MAGI1: variants seen among roughly 807,000 people sequenced by gnomAD.
MAGI1 encodes the protein membrane associated guanylate kinase, WW and PDZ domain containing 1, also known as membrane-associated guanylate kinase, WW and PDZ domain-containing protein 1.
In MAGI1, 58 loss-of-function variants were observed where a neutral mutation model predicts 139.9. The observed-to-expected ratio is 0.41, with a 90% confidence interval of 0.34 to 0.52. The LOEUF (loss-of-function observed/expected upper bound fraction) is 0.52, where lower values mean the gene tolerates loss of function less well. MAGI1 is among the 20% of genes least tolerant of loss of function. The probability of loss-of-function intolerance (pLI) is 0.12; values close to 1 mark genes in which losing one functional copy is unlikely to be tolerated. For missense variants in MAGI1, 1,874 were observed against 1,901.6 expected, an observed-to-expected ratio of 0.99 and a Z score of 0.27; for synonymous variants, 812 against 737.9, an observed-to-expected ratio of 1.10 and a Z score of -1.63.
At chr3:65,885,705 G>C (rs1351620673) in intron 1 of MAGI1, among the ~76,000 whole-genome samples, 3 of 152,178 alleles carry the variant, frequency 2.0e-5, no homozygotes, top group Admixed American at 1.3e-4. Context: ...TGTAAGACTT[G>C]ACTTTGCTCC....
At chr3:65,599,360 G>T (rs1175572329) in intron 2 of MAGI1, among the ~76,000 whole-genome samples, 2 of 152,104 alleles carry the variant, frequency 1.3e-5, no homozygotes, top group Admixed American at 6.5e-5. Context: ...AATAAATGTT[G>T]TTCCTTCATA....
intron 2 of MAGI1, among the ~76,000 whole-genome samples, chr3:65,575,356 A>G (rs971464525): frequency 6.6e-6 from 1 of 152,138 alleles, no homozygotes; most frequent in Non-Finnish European, 1.5e-5. Flanking sequence ...AGAAAGGTTA[A>G]AGTTAAAAAG....
chr3:65,692,165 G>A (rs2088730802), intron 1 of MAGI1, among the ~76,000 whole-genome samples: 1 of 152,100 alleles, frequency 6.6e-6, no homozygotes, highest in Non-Finnish European at 1.5e-5. Flanking sequence ...ACTTAGCACA[G>A]TGAGACACAG....
At chr3:65,985,126 G>C (rs2065814838) in intron 1 of MAGI1, among the ~76,000 whole-genome samples, 1 of 152,184 alleles carries the variant, frequency 6.6e-6, no homozygotes. Context: ...CTTGATTTCT[G>C]TGAGGAGCGA....
At chr3:65,369,626 A>G (rs1217526782) in intron 18 of MAGI1, among the ~76,000 whole-genome samples, 1 of 151,826 alleles carries the variant, frequency 6.6e-6, no homozygotes, top group Non-Finnish European at 1.5e-5. Context: ...CTTGTGCCTC[A>G]GCCTCCCAAG....
chr3:66,030,112 G>T (rs1000199422), intron 1 of MAGI1, among the ~76,000 whole-genome samples: 3 of 152,270 alleles, frequency 2.0e-5, no homozygotes, highest in African/African-American at 7.2e-5. Flanking sequence ...GGACCCACAT[G>T]TTCTTACTTG....
At chr3:65,464,764 G>A (rs1267592883) in intron 5 of MAGI1, among the ~76,000 whole-genome samples, 1 of 151,924 alleles carries the variant, frequency 6.6e-6, no homozygotes, top group Non-Finnish European at 1.5e-5. Context: ...TTTATTAAAT[G>A]TAGTTATTGA....
rs571915440 is a variant in MAGI1, at chr3:65,662,640, A to G, written c.314-40552T>C. The stretch of plus-strand genomic sequence containing the variant: ...TGCAATATGATGTTTTGATATGCAT[A>G]TAAGTACTGATTATTATAGTCAAAC... On this transcript the variant is annotated intron_variant, in intron 1 of 22. Transcript: ENST00000402939. 4.7e-4 allele frequency among the ~76,000 whole-genome samples: 72 copies of G among 152,348 alleles called. 1 individual carries two copies. In the South Asian group the frequency reaches 8.1e-3, roughly 17 times the overall value.
At chr3:65,874,539 A>G (rs1299942051) in intron 1 of MAGI1, 1 of 152,242 alleles carries the variant, frequency 6.6e-6, no homozygotes, top group Non-Finnish European at 1.5e-5. Context: ...ATCATTAGCC[A>G]TCAGGGATAT....
chr3:65,580,185 AAC>A (rs2081353301), intron 2 of MAGI1, among the ~76,000 whole-genome samples: 2 of 152,338 alleles, frequency 1.3e-5, no homozygotes, highest in African/African-American at 2.4e-5. Context: ...ATCAATTAGC[AAC>A]ACAGAGATAA....
intron 1 of MAGI1, among the ~76,000 whole-genome samples, chr3:65,691,176 GC>G (rs1358639274): frequency 6.6e-6 from 1 of 151,846 alleles, no homozygotes; most frequent in African/African-American, 2.4e-5. Context: ...GGTGGCGGGC[GC>G]CTGTAGTCCC....
At chr3:65,976,642 A>C (rs945259839) in intron 1 of MAGI1, among the ~76,000 whole-genome samples, 10 of 152,166 alleles carry the variant, frequency 6.6e-5, no homozygotes, top group African/African-American at 2.4e-4. Flanking sequence ...AACAAACAAA[A>C]AAAAGACCTT....
At chr3:65,830,328 A>AG in intron 1 of MAGI1, among the ~76,000 whole-genome samples, 2 of 146,376 alleles carry the variant, frequency 1.4e-5, no homozygotes, top group African/African-American at 2.5e-5. Context: ...GGAGAGAGAG[A>AG]AAAAAAAAAA....
Position 65,735,193 on chromosome 3 carries a change from AAATG to A in MAGI1, c.314-113109_314-113106del, listed in dbSNP as rs540978174. Among the ~76,000 whole-genome samples, 409 of 152,298 alleles carry A rather than the reference AAATG, an allele frequency of 2.7e-3. 1 individual carries two copies. The highest frequency in any genetic ancestry group is 9.3e-3 in the African/African-American group (388 of 41,570). ...TCCTAGCATTTAATTTTTTTCTTGA[AAATG>A]AATGAATAAGAGCCATGTAGACTGC... On this transcript the variant is annotated intron_variant, in intron 1 of 22. Coordinates refer to ENST00000402939, the MANE Select transcript of MAGI1 (RefSeq NM_001033057.2).
At chr3:66,010,627 T>C (rs2067277020) in intron 1 of MAGI1, among the ~76,000 whole-genome samples, 1 of 152,200 alleles carries the variant, frequency 6.6e-6, no homozygotes, top group Non-Finnish European at 1.5e-5. Flanking sequence ...TATATGGGGC[T>C]CTGATGTCAT....
intron 2 of MAGI1, among the ~76,000 whole-genome samples, chr3:65,507,594 C>T (rs2077350085): frequency 6.6e-6 from 1 of 152,170 alleles, no homozygotes; most frequent in Non-Finnish European, 1.5e-5. Context: ...ATTCCCAGCC[C>T]CTTCCATTAC....
chr3:65,586,070 G>A (rs200725221), intron 2 of MAGI1, among the ~76,000 whole-genome samples: 33 of 152,116 alleles, frequency 2.2e-4, no homozygotes, highest in East Asian at 1.2e-3. Flanking sequence ...TTATCAGGGC[G>A]TTGGTGGCGC....
At chr3:65,926,981 G>A (rs2062559908) in intron 1 of MAGI1, among the ~76,000 whole-genome samples, 1 of 152,182 alleles carries the variant, frequency 6.6e-6, no homozygotes, top group Non-Finnish European at 1.5e-5. Context: ...GGCAACAAGA[G>A]TGAAACTCTG....
At chr3:65,813,704 G>A (rs1382823380) in intron 1 of MAGI1, among the ~76,000 whole-genome samples, 2 of 152,098 alleles carry the variant, frequency 1.3e-5, no homozygotes, top group Non-Finnish European at 2.9e-5. Flanking sequence ...TGAGAAATAC[G>A]CAGAATGCTT....
Sources: gnomAD v4.1 joint callset for allele counts (sites outside exome capture counted in the v4.1 genomes callset) on GRCh38, gnomAD v4.1.1 for gene constraint, MANE v1.5 for transcripts, NCBI Gene and HGNC (gene_info 2026-07-23, HGNC 2026-07-21) for gene names.